The following LDLRAD3 variants were observed in gnomAD, a reference collection of about 807,000 sequenced individuals.
LDLRAD3 encodes the protein low density lipoprotein receptor class A domain containing 3.
Under a neutral mutation model 29.4 loss-of-function variants are expected in LDLRAD3, and 20 were observed. The ratio of observed to expected loss-of-function variants is 0.68; its 90% CI spans 0.48 to 0.99. LDLRAD3 has a LOEUF of 0.99. Ranked by LOEUF, LDLRAD3 falls within the 50% of genes least tolerant of loss-of-function variation. LDLRAD3 has a pLI of 0.00. For synonymous variants in LDLRAD3, 157 were observed against 192.7 expected (o/e 0.81, Z 1.53); for missense variants, 420 against 454.3 (o/e 0.92, Z 0.69).
chr11:36,104,332 A>G (rs1853495298), intron 4 of LDLRAD3, among the ~76,000 whole-genome samples: 1 of 152,164 alleles, frequency 6.6e-6, no homozygotes, highest in Non-Finnish European at 1.5e-5. Flanking sequence ...GCCTTGTAAG[A>G]CTCCCTGAGC....
At chr11:36,193,518 G>T (rs550299213) in intron 4 of LDLRAD3, among the ~76,000 whole-genome samples, 1 of 152,246 alleles carries the variant, frequency 6.6e-6, no homozygotes, top group African/African-American at 2.4e-5. Context: ...AGCTTTGCAC[G>T]CTGAGATGTG....
chr11:36,120,765 C>T (rs1036478962), intron 4 of LDLRAD3, among the ~76,000 whole-genome samples: 2 of 152,182 alleles, frequency 1.3e-5, no homozygotes, highest in African/African-American at 2.4e-5. Flanking sequence ...ATTCTATATG[C>T]TGAAATTCTA....
intron 1 of LDLRAD3, among the ~76,000 whole-genome samples, chr11:36,026,750 G>A (rs1852172456): frequency 6.6e-6 from 1 of 152,200 alleles, no homozygotes; most frequent in South Asian, 2.1e-4. Context: ...TGCCATAACA[G>A]TTTCCAAATG....
At chr11:36,070,384 T>C (rs766746107) in intron 2 of LDLRAD3, among the ~76,000 whole-genome samples, 6 of 152,226 alleles carry the variant, frequency 3.9e-5, no homozygotes, top group Non-Finnish European at 8.8e-5. Flanking sequence ...AGAATTTGTA[T>C]CTTGCACACA....
chr11:36,133,551 T>TC (rs1365134667), intron 4 of LDLRAD3, among the ~76,000 whole-genome samples: 5 of 144,796 alleles, frequency 3.5e-5, no homozygotes, highest in African/African-American at 5.0e-5. Flanking sequence ...TCTTTTCTTT[T>TC]TTTTTTTTTT....
chr11:35,974,359 T>C (rs2133150298), intron 1 of LDLRAD3, among the ~76,000 whole-genome samples: 1 of 152,342 alleles, frequency 6.6e-6, no homozygotes, highest in South Asian at 2.1e-4. Context: ...ACATTCATTC[T>C]TGCTCACTGA....
chr11:36,138,410 A>G (rs1294418442), intron 4 of LDLRAD3, among the ~76,000 whole-genome samples: 1 of 152,198 alleles, frequency 6.6e-6, no homozygotes, highest in Non-Finnish European at 1.5e-5. Flanking sequence ...AAGTAGTTTG[A>G]CCAAATCAAA....
chr11:36,194,342 A>G (rs976969975), intron 4 of LDLRAD3, among the ~76,000 whole-genome samples: 28 of 152,182 alleles, frequency 1.8e-4, no homozygotes, highest in African/African-American at 6.3e-4. Flanking sequence ...GGCCACTCAC[A>G]TTTCACTGGC....
At chr11:36,211,546 C>T (rs1855284032) in intron 4 of LDLRAD3, among the ~76,000 whole-genome samples, 2 of 152,270 alleles carry the variant, frequency 1.3e-5, no homozygotes, top group East Asian at 1.9e-4. Context: ...ATGATGGTAA[C>T]TTGTCCCATA....
At chr11:36,154,163 A>G (rs1401351304) in intron 4 of LDLRAD3, among the ~76,000 whole-genome samples, 1 of 152,166 alleles carries the variant, frequency 6.6e-6, no homozygotes, top group Non-Finnish European at 1.5e-5. Flanking sequence ...GTTCTCTCGC[A>G]TTCTGGCATT....
intron 4 of LDLRAD3, among the ~76,000 whole-genome samples, chr11:36,159,758 C>G (rs1034994986): frequency 6.6e-6 from 1 of 151,760 alleles, no homozygotes; most frequent in Non-Finnish European, 1.5e-5. Context: ...GGCAACAGAG[C>G]GAGGCCCTCA....
At chr11:36,169,837 G>T (rs1298518309) in intron 4 of LDLRAD3, among the ~76,000 whole-genome samples, 1 of 152,082 alleles carries the variant, frequency 6.6e-6, no homozygotes, top group Admixed American at 6.5e-5. Context: ...GGATCATGGG[G>T]GTAAATCTAT....
chr11:36,223,466 C>T (rs556670999), intron 4 of LDLRAD3, among the ~76,000 whole-genome samples: 15 of 152,282 alleles, frequency 9.9e-5, no homozygotes, highest in Non-Finnish European at 1.6e-4. Flanking sequence ...TGGTGACTCA[C>T]GCCTGTAATC....
At chr11:35,989,551 C>T (rs1310805336) in intron 1 of LDLRAD3, among the ~76,000 whole-genome samples, 3 of 152,082 alleles carry the variant, frequency 2.0e-5, no homozygotes, top group Non-Finnish European at 2.9e-5. Flanking sequence ...TATCTTTCAG[C>T]AGTGTTTTGT....
At chr11:36,032,872 T>C (rs1852252710) in intron 1 of LDLRAD3, among the ~76,000 whole-genome samples, 1 of 151,388 alleles carries the variant, frequency 6.6e-6, no homozygotes, top group Non-Finnish European at 1.5e-5. Flanking sequence ...CCTTAGTTTC[T>C]CCTCATGCCT....
intron 4 of LDLRAD3, among the ~76,000 whole-genome samples, chr11:36,145,685 C>T (rs879644119): frequency 2.0e-5 from 3 of 151,370 alleles, no homozygotes; most frequent in Non-Finnish European, 2.9e-5. Context: ...GCCTTGGGAT[C>T]CTGTTAATCT....
chr11:35,950,038 C>T (rs1041353864), intron 1 of LDLRAD3, among the ~76,000 whole-genome samples: 1 of 152,256 alleles, frequency 6.6e-6, no homozygotes, highest in Non-Finnish European at 1.5e-5. Context: ...CTGCCACACC[C>T]AGGCACTGTG....
intron 1 of LDLRAD3, among the ~76,000 whole-genome samples, chr11:35,961,781 G>T (rs1190758468): frequency 6.6e-6 from 1 of 152,132 alleles, no homozygotes; most frequent in Admixed American, 6.5e-5. Flanking sequence ...TACAGAGTAG[G>T]TGCATATTTA....
At chr11:35,978,329 T>C (rs1435237850) in intron 1 of LDLRAD3, among the ~76,000 whole-genome samples, 1 of 152,218 alleles carries the variant, frequency 6.6e-6, no homozygotes, top group African/African-American at 2.4e-5. Context: ...TCACTCGAGG[T>C]GTGCCTGCCT....
Sources: gnomAD v4.1 joint callset for allele counts (sites outside exome capture counted in the v4.1 genomes callset) on GRCh38, gnomAD v4.1.1 for gene constraint, MANE v1.5 for transcripts, NCBI Gene and HGNC (gene_info 2026-07-23, HGNC 2026-07-21) for gene names.